SLC35E4: variants seen among roughly 807,000 people sequenced by gnomAD.
The protein encoded by SLC35E4 is solute carrier family 35, member E4.
In SLC35E4, 15 loss-of-function variants were observed where a neutral mutation model predicts 19.3. The observed-to-expected ratio is 0.78, with a 90% CI of 0.52 to 1.20. SLC35E4 has a LOEUF of 1.20. Among genes scored for constraint, SLC35E4 ranks in the 50% most tolerant of loss-of-function variants. SLC35E4 has a pLI of 0.00. For missense variants in SLC35E4, 406 were observed against 472.3 expected, an observed-to-expected ratio of 0.86 and a Z score of 1.30; for synonymous variants, 219 against 219.9, an observed-to-expected ratio of 1.00 and a Z score of 0.04.
chr22:30,654,588 G>A (rs923969603), intron 2 of SLC35E4: 5 of 460,804 alleles, frequency 1.1e-5, no homozygotes, highest in Admixed American at 2.4e-5. Context: ...CTGGGGACCC[G>A]GAAGTGGTGG....
intron 2 of SLC35E4, among the ~76,000 whole-genome samples, chr22:30,660,967 C>G (rs528957850): frequency 6.6e-6 from 1 of 151,888 alleles, no homozygotes; most frequent in African/African-American, 2.4e-5. Context: ...ATTCTCTAAT[C>G]TCAGTAGCTG....
chr22:30,656,080 C>T (rs903143498), intron 2 of SLC35E4, among the ~76,000 whole-genome samples: 1 of 151,978 alleles, frequency 6.6e-6, no homozygotes, highest in African/African-American at 2.4e-5. Flanking sequence ...CTCAAGCGAT[C>T]CTCCCACCTC....
chr22:30,666,283 G>A (rs907713858), downstream of SLC35E4, among the ~76,000 whole-genome samples: 24 of 152,200 alleles, frequency 1.6e-4, 4 homozygotes, highest in Admixed American at 1.4e-3. Flanking sequence ...TGCTCTTGCA[G>A]GTGAGGGTAG....
chr22:30,655,367 G>C (rs1248168998), intron 2 of SLC35E4, among the ~76,000 whole-genome samples: 1 of 145,682 alleles, frequency 6.9e-6, no homozygotes, highest in Non-Finnish European at 1.5e-5. Context: ...TGAGATGGGA[G>C]GCTGCAGTGG....
At chr22:30,650,277 A>C (rs1318688370), downstream of SLC35E4, among the ~76,000 whole-genome samples, 2 of 151,866 alleles carry the variant, frequency 1.3e-5, no homozygotes, top group Admixed American at 6.6e-5. Flanking sequence ...GGTTGCAGTG[A>C]GCCGAGATCA....
chr22:30,661,927 G>C (rs1180876246), intron 2 of SLC35E4: 1 of 150,542 alleles, frequency 6.6e-6, no homozygotes, highest in East Asian at 2.1e-4. Flanking sequence ...TGTGCTCCTT[G>C]TTTCAGGACC....
At position 30,639,893 on chromosome 22, in the gene SLC35E4, C is replaced by T. The variant is rs557881946; in HGVS notation, c.619+2824C>T. On this transcript the variant is annotated intron_variant, in intron 1 of 1. Transcript: ENST00000343605. The stretch of plus-strand genomic sequence containing the variant: ...GGCGACATACAGCCTCCTCAGCTTA[C>T]GAAGATGATGGGATTAAGAGATTAA... 2.0e-5 allele frequency among the ~76,000 whole-genome samples: 3 copies of T among 152,014 alleles called. No individual in the cohort carries two copies. The East Asian group carries it at 5.8e-4, about 29-fold the overall frequency.
At chr22:30,657,472 A>G (rs1304334646) in intron 2 of SLC35E4, among the ~76,000 whole-genome samples, 1 of 132,882 alleles carries the variant, frequency 7.5e-6, no homozygotes, top group Non-Finnish European at 1.7e-5. Context: ...AAAAAAAAAA[A>G]TTCTGGCCGG....
chr22:30,666,883 T>A (rs1184437285), downstream of SLC35E4: 1 of 152,144 alleles, frequency 6.6e-6, no homozygotes, highest in Non-Finnish European at 1.5e-5. Context: ...GAGTAAGCCC[T>A]CTCAAAATGA....
chr22:30,650,647 TC>T (rs1183746932), downstream of SLC35E4, among the ~76,000 whole-genome samples: 2 of 152,114 alleles, frequency 1.3e-5, no homozygotes, highest in African/African-American at 2.4e-5. Flanking sequence ...TGGAACCTAA[TC>T]CCCCACCAGC....
chr22:30,664,048 T>C, downstream of SLC35E4: 1 of 1,529,174 alleles, frequency 6.5e-7, no homozygotes, highest in Non-Finnish European at 8.9e-7. Context: ...GCACGAAGGC[T>C]GCGTCTTTCT....
chr22:30,666,321 T>G (rs1267983119), downstream of SLC35E4, among the ~76,000 whole-genome samples: 1 of 152,080 alleles, frequency 6.6e-6, no homozygotes, highest in African/African-American at 2.4e-5. Flanking sequence ...TTCATGCTAG[T>G]TAAGAAATAT....
downstream of SLC35E4, among the ~76,000 whole-genome samples, chr22:30,650,094 G>A (rs765569486): frequency 1.3e-5 from 2 of 149,524 alleles, no homozygotes; most frequent in Non-Finnish European, 3.0e-5. Flanking sequence ...TACTTTGGGA[G>A]TCCGAGGGGG....
At chr22:30,661,539 C>G (rs1048349534) in intron 2 of SLC35E4, 2 of 150,762 alleles carry the variant, frequency 1.3e-5, no homozygotes, top group African/African-American at 4.9e-5. Flanking sequence ...ACCTCCGCCT[C>G]CTGGGTTCAA....
chr22:30,644,905 C>T (rs2088102942), intron 1 of SLC35E4, among the ~76,000 whole-genome samples: 1 of 152,082 alleles, frequency 6.6e-6, no homozygotes, highest in Admixed American at 6.6e-5. Context: ...GCAGCAAGAT[C>T]CCCTCCTGCC....
At chr22:30,657,301 AC>A (rs1569065205) in intron 2 of SLC35E4, among the ~76,000 whole-genome samples, 624 of 58,416 alleles carry the variant, frequency 0.011, 7 homozygotes, top group East Asian at 0.071. Context: ...ACACACACAC[AC>A]ACACAAATTA....
At position 30,636,586 on chromosome 22, in the gene SLC35E4, C is replaced by A. The variant is rs1222306033; in HGVS notation, c.136C>A (p.Arg46=). 6.3e-7 allele frequency: 1 copy of A among 1,598,672 alleles called. No homozygotes were observed. The highest frequency in any genetic ancestry group is 1.1e-5 in the South Asian group (1 of 89,380). The change falls in exon 1 of 2, where the codon CGG becomes AGG. Residue 46 remains arginine (R), a synonymous_variant. Transcript: ENST00000343605. ...GSPQALRQPG[R]ARVAMAALVW... ...CCCTCAGGCCCTCCGGCAGCCTGGCCGGGCCCGAGTGGCCATGGCAGCACT... is the reference window on the plus strand; with the variant it reads ...CCCTCAGGCCCTCCGGCAGCCTGGCAGGGCCCGAGTGGCCATGGCAGCACT...
intron 2 of SLC35E4, chr22:30,654,554 C>T (rs1326339374): frequency 1.6e-5 from 7 of 443,414 alleles, no homozygotes; most frequent in Non-Finnish European, 2.7e-5. Context: ...GGCAGCATGC[C>T]TCGGGGTCCG....
chr22:30,641,810 C>T (rs1405461939), intron 1 of SLC35E4, among the ~76,000 whole-genome samples: 7 of 149,904 alleles, frequency 4.7e-5, no homozygotes, highest in Non-Finnish European at 8.9e-5. Flanking sequence ...ATCTTCCCTC[C>T]GGGCCTCCCA....
Sources: allele counts gnomAD v4.1 joint callset (sites outside exome capture counted in the v4.1 genomes callset), GRCh38; gene constraint gnomAD v4.1.1; transcripts MANE v1.5; gene names NCBI Gene and HGNC (gene_info 2026-07-23, HGNC 2026-07-21).